Variants in THY1 observed in about 807,000 individuals in gnomAD.
The protein encoded by THY1 is thy-1 membrane glycoprotein.
In THY1, 10 loss-of-function variants were observed where a neutral mutation model predicts 14.9. The observed-to-expected ratio is 0.67, with a 90% CI of 0.41 to 1.14. THY1 has a LOEUF of 1.14. Ranked by LOEUF, THY1 falls within the 50% of genes most tolerant of loss-of-function variation. The probability of loss-of-function intolerance (pLI) is 0.00; values close to 1 mark genes in which losing one functional copy is unlikely to be tolerated. For missense variants in THY1, 159 were observed against 202.1 expected (o/e 0.79, Z 1.29); for synonymous variants, 80 against 90.0 (o/e 0.89, Z 0.63).
In THY1 at chr11:119,419,094, A is replaced by G. The variant is rs1023878700; in HGVS notation, c.*314T>C. On this transcript the variant is annotated 3_prime_UTR_variant, in exon 4 of 4. Coordinates refer to ENST00000284240, the MANE Select transcript of THY1 (RefSeq NM_006288.5). ...TACCCCTCACATGCTCTCACTCTCC[A>G]TCAGGTCCCCAATCCTGGCTTCCCT... 7 of 372,794 alleles carry G rather than the reference A, an allele frequency of 1.9e-5. No homozygotes were observed. Among genetic ancestry groups the G allele is most frequent in the African/African-American group, 4.2e-5 (2 of 47,412 alleles). 23.1% of individuals were successfully genotyped at this position (372,794 alleles called of 1,614,324 possible).
rs2135433704 is a variant in THY1, at chr11:119,419,090, C to T, written c.*318G>A. The stretch of plus-strand genomic sequence containing the variant: ...CCACTACCCCTCACATGCTCTCACT[C>T]TCCATCAGGTCCCCAATCCTGGCTT... On this transcript the variant is annotated 3_prime_UTR_variant, in exon 4 of 4. Coordinates refer to ENST00000284240, the MANE Select transcript of THY1 (RefSeq NM_006288.5). 8.1e-6 allele frequency: 3 copies of T among 371,150 alleles called. No individual in the cohort carries two copies. The highest frequency in any genetic ancestry group is 1.6e-5 in the Non-Finnish European group (3 of 190,238). 23.0% of individuals were successfully genotyped at this position (371,150 alleles called of 1,614,324 possible).
At chr11:119,423,323 T>G (rs944273077), upstream of THY1, 7 of 391,750 alleles carry the variant, frequency 1.8e-5, no homozygotes, top group East Asian at 7.3e-5. Context: ...CGGTCCCGCA[T>G]TGGTGTGAGA....
chr11:119,424,095 G>A (rs1285388749), upstream of THY1: 2 of 152,208 alleles, frequency 1.3e-5, no homozygotes, highest in Non-Finnish European at 2.9e-5. Context: ...AGCTCTCAAG[G>A]GTGAGCCATT....
chr11:119,419,329 A>C lies in THY1; in HGVS notation c.*79T>G. 1 of 1,263,994 alleles carries C rather than the reference A, an allele frequency of 7.9e-7. No individual in the cohort carries two copies. Among genetic ancestry groups the C allele is most frequent in the Non-Finnish European group, 1.1e-6 (1 of 881,604 alleles). The allele number at this position is 1,263,994 out of a possible 1,614,324, so 78.3% of individuals were successfully genotyped here. A position where few individuals can be genotyped will look rare whatever the true frequency, so the allele number is the denominator to read the frequency against. On this transcript the variant is annotated 3_prime_UTR_variant, in exon 4 of 4. Transcript: ENST00000284240. Reference sequence around the variant, plus strand: ...CCTCAAGGTTTGAGGGATTGGGGGGAGGGGGTCAGCTGACTCAGAGAAGTA... The same window carrying C: ...CCTCAAGGTTTGAGGGATTGGGGGGCGGGGGTCAGCTGACTCAGAGAAGTA...
chr11:119,421,015 C>T, intron 1 of THY1, 86 bp from the exon 2 acceptor site: 2 of 1,252,664 alleles, frequency 1.6e-6, no homozygotes, highest in Non-Finnish European at 2.3e-6. Context: ...GGCATAGTGG[C>T]TATGGCAGTC....
chr11:119,417,085 AC>A lies in THY1; in HGVS notation c.*2322del, dbSNP rs1168508127. Among the ~76,000 whole-genome samples the A allele has an allele frequency of 6.6e-6, 1 of 152,122 alleles. No individual in the cohort carries two copies. The highest frequency in any genetic ancestry group is 1.5e-5 in the Non-Finnish European group (1 of 68,026). On this transcript the variant is annotated 3_prime_UTR_variant, in exon 4 of 4. Coordinates refer to ENST00000284240, the MANE Select transcript of THY1 (RefSeq NM_006288.5). ...TCTTTTACTATCCTGAGGGTGGGGC[AC>A]CCCACATTTCTCTGGCATTTGATCT...
intron 1 of THY1, 78 bp from the exon 2 acceptor site, chr11:119,421,007 C>A: frequency 1.4e-6 from 2 of 1,381,130 alleles, no homozygotes; most frequent in South Asian, 2.4e-5. Context: ...GGGAACATGG[C>A]ATAGTGGCTA....
intron 1 of THY1, chr11:119,421,212 C>T (rs1861893223): frequency 3.0e-6 from 1 of 338,596 alleles, no homozygotes; most frequent in African/African-American, 2.1e-5. Flanking sequence ...ACCACTCTTT[C>T]TCCTCTTCTT....
rs976253386 is a variant in THY1 at position 119,419,439 on chromosome 11, A to G, written c.455T>C (p.Leu152Pro). ...WLLLLLLSLS[L>P]LQATDFMSL ...GGACATGAAATCCGTGGCCTGGAGG[A>G]GGGAGAGGGAGAGCAGGAGCAGCAG... The change falls in exon 4 of 4, where the codon CTC (leucine) becomes CCC (proline). Residue 152 changes from leucine (L) to proline (P), a missense_variant. Physicochemically the swap from Leu to Pro is moderately conservative, Grantham distance 98. Transcript: ENST00000284240. 2 of 1,613,736 alleles carry G rather than the reference A, an allele frequency of 1.2e-6. No individual in the cohort carries two copies. Among genetic ancestry groups the G allele is most frequent in the Non-Finnish European group, 1.7e-6 (2 of 1,179,966 alleles).
rs201246110 is a variant in THY1, at chr11:119,420,946, A to G, written c.-24-17T>C. ...GTCCTGGATCTGGGGTGGGAACAGG[A>G]TGGGAATCAGCCAAGCTGTGCCACA... On this transcript the variant is annotated splice_polypyrimidine_tract_variant and intron_variant, in intron 1 of 3. Transcript: ENST00000284240. 29 of 1,613,744 alleles carry G rather than the reference A, an allele frequency of 1.8e-5. No individual in the cohort carries two copies. In the East Asian group the frequency reaches 6.5e-4, roughly 36 times the overall value.
chr11:119,420,000 C>T, intron 3 of THY1, 51 bp downstream of exon 3: 1 of 1,561,010 alleles, frequency 6.4e-7, no homozygotes, highest in Non-Finnish European at 8.7e-7. Flanking sequence ...GCCTGCTGTC[C>T]CCGAGCCTGG....
At chr11:119,419,883 AC>A (rs1207033287) in intron 3 of THY1, 167 bp downstream of exon 3, 24 of 770,006 alleles carry the variant, frequency 3.1e-5, no homozygotes, top group Non-Finnish European at 4.3e-5. Context: ...TGAGCTCTTC[AC>A]CCCATTCACA....
At position 119,419,257 on chromosome 11, in the gene THY1, C is replaced by T. The variant is rs879007835; in HGVS notation, c.*151G>A. ...GGCCGCGTGGACGTGGGTAGATAAT[C>T]GCATGCAGCACTGGAACTCCTGATG... On this transcript the variant is annotated 3_prime_UTR_variant, in exon 4 of 4. Coordinates refer to ENST00000284240, the MANE Select transcript of THY1 (RefSeq NM_006288.5). 9.6e-6 allele frequency: 7 copies of T among 731,280 alleles called. No individual in the cohort carries two copies. Among genetic ancestry groups the T allele is most frequent in the East Asian group, 2.7e-5 (1 of 36,870 alleles). 45.3% of individuals were successfully genotyped at this position (731,280 alleles called of 1,614,324 possible). A position where few individuals can be genotyped will look rare whatever the true frequency, so the allele number is the denominator to read the frequency against.
intron 1 of THY1, chr11:119,421,610 C>G (rs985986207): frequency 5.3e-5 from 8 of 152,218 alleles, no homozygotes; most frequent in African/African-American, 1.9e-4. Flanking sequence ...TACATACCCA[C>G]CGGGTTATGA....
rs1424591752 is a variant in THY1 at position 119,416,057 on chromosome 11, G to A, written c.*3351C>T. On this transcript the variant is annotated 3_prime_UTR_variant, in exon 4 of 4. Coordinates refer to ENST00000284240, the MANE Select transcript of THY1 (RefSeq NM_006288.5). ...TAGATTTCTTGGTTGGCCAGTGAAAGTCCCCACATCTCACGGAGATCCCCA... is the reference window on the plus strand; with the variant it reads ...TAGATTTCTTGGTTGGCCAGTGAAAATCCCCACATCTCACGGAGATCCCCA... Among the ~76,000 whole-genome samples, 1 of 149,750 alleles carries A rather than the reference G, an allele frequency of 6.7e-6. No individual in the cohort carries two copies. Among genetic ancestry groups the A allele is most frequent in the African/African-American group, 2.5e-5 (1 of 40,538 alleles).
chr11:119,419,655 A>G lies in THY1; in HGVS notation c.374-135T>C, dbSNP rs75192424. ...CAATGTCTTAGCTGGGACCAGGAAC[A>G]GCCCGGTCTCACAGAACCAGCCATC... On this transcript the variant is annotated intron_variant, in intron 3 of 3. Coordinates refer to ENST00000284240, the MANE Select transcript of THY1 (RefSeq NM_006288.5). The G allele has an allele frequency of 3.3e-3, 2,260 of 688,192 alleles. 34 individuals carry two copies. The African/African-American group carries it at 0.036, about 11-fold the overall frequency. The allele number at this position is 688,192 out of a possible 1,614,324, so 42.6% of individuals were successfully genotyped here.
rs78172207 is a variant in THY1, at chr11:119,420,835, G to A, written c.37+34C>T. 9,096 of 1,613,440 alleles carry A rather than the reference G, an allele frequency of 5.6e-3. 420 individuals carry two copies. In the African/African-American group the frequency reaches 0.1, roughly 18 times the overall value. On this transcript the variant is annotated intron_variant, in intron 2 of 3. Coordinates refer to ENST00000284240, the MANE Select transcript of THY1 (RefSeq NM_006288.5). ...TCTCTGGAGGGAAGGAAGCCAGGGC[G>A]CCTGGAGCCCCAGTCCTGCCCCATG...
At position 119,422,058 on chromosome 11, in the gene THY1, C is replaced by G. The variant is rs1024549469; in HGVS notation, c.-25+1055G>C. The G allele has an allele frequency of 6.6e-6, 1 of 152,346 alleles. No homozygotes were observed. The highest frequency in any genetic ancestry group is 2.1e-4 in the South Asian group (1 of 4,838). The allele number at this position is 152,346 out of a possible 1,614,324, so 9.4% of individuals were successfully genotyped here. On this transcript the variant is annotated intron_variant, in intron 1 of 3. Transcript: ENST00000284240. This position sits in a 1 kb window ranked among gnomAD's most constrained non-coding sequence, Gnocchi z 7.0. ...GGAGAGGCCACAGAAGGGGCGTGCA[C>G]CCGCGAGAGCGCGCAGGGCATTGCC... is the stretch of plus-strand genomic sequence containing the variant.
chr11:119,421,154 G>A (rs1044880071), intron 1 of THY1: 3 of 473,586 alleles, frequency 6.3e-6, no homozygotes, highest in African/African-American at 5.9e-5. Context: ...GTGTGTTTCT[G>A]CGCTTGGCCA....
Sources: gnomAD v4.1 joint callset for allele counts (sites outside exome capture counted in the v4.1 genomes callset) on GRCh38, gnomAD v4.1.1 for gene constraint, Gnocchi (gnomAD v3.1) non-coding constraint, MANE v1.5 for transcripts, NCBI Gene and HGNC (gene_info 2026-07-23, HGNC 2026-07-21) for gene names.